Variants in SHF observed in about 807,000 individuals in gnomAD.
SHF encodes the protein SH2 domain-containing adapter protein F.
In SHF, 30 loss-of-function variants were observed where a neutral mutation model predicts 42.4. The observed-to-expected ratio is 0.71, with a 90% CI of 0.53 to 0.96. SHF has a LOEUF of 0.96. SHF is among the 40% of genes least tolerant of loss of function. The probability of loss-of-function intolerance (pLI) is 0.00; values close to 1 mark genes in which losing one functional copy is unlikely to be tolerated. For missense variants in SHF, 598 were observed against 634.0 expected, an observed-to-expected ratio of 0.94 and a Z score of 0.61; for synonymous variants, 264 against 269.9, an observed-to-expected ratio of 0.98 and a Z score of 0.21.
chr15:45,169,490 G>A (rs1236365493), intron 6 of SHF, among the ~76,000 whole-genome samples: 1 of 152,176 alleles, frequency 6.6e-6, no homozygotes, highest in Non-Finnish European at 1.5e-5. Flanking sequence ...AGGCCCTTGG[G>A]GAAAGGAGCC....
chr15:45,181,199 T>TG (rs1898107570), intron 1 of SHF: 1 of 152,368 alleles, frequency 6.6e-6, no homozygotes, highest in Non-Finnish European at 1.5e-5. Flanking sequence ...GGCACCCAGG[T>TG]GGCAACTCTG....
At chr15:45,198,410 G>A (rs2141457474) in intron 2 of SHF, 1 of 201,366 alleles carries the variant, frequency 5.0e-6, no homozygotes, top group East Asian at 1.2e-4. Flanking sequence ...GGTAAGAAAG[G>A]GATTATAACG....
upstream of SHF, chr15:45,188,069 G>T: frequency 2.6e-6 from 1 of 380,382 alleles, no homozygotes; most frequent in Admixed American, 5.3e-5. Flanking sequence ...AGTAACAAGG[G>T]AGAGGCGGGG....
chr15:45,171,606 TAGTA>T (rs1484264708), intron 6 of SHF: 2 of 491,902 alleles, frequency 4.1e-6, no homozygotes, highest in African/African-American at 3.8e-5. Context: ...TCCATTTCAT[TAGTA>T]AGGAAACTGA....
At chr15:45,189,146 T>C (rs1898623405), upstream of SHF, among the ~76,000 whole-genome samples, 1 of 149,548 alleles carries the variant, frequency 6.7e-6, no homozygotes, top group African/African-American at 2.5e-5. Context: ...TGAGCTGAGA[T>C]TGCGCGACTG....
intron 2 of SHF, among the ~76,000 whole-genome samples, chr15:45,197,021 G>A (rs1016538158): frequency 5.9e-5 from 9 of 152,096 alleles, no homozygotes; most frequent in Admixed American, 1.3e-4. Flanking sequence ...AGAAAAATAG[G>A]AGCACACACT....
intron 6 of SHF, chr15:45,170,742 C>T (rs1897440370): frequency 4.2e-6 from 1 of 238,074 alleles, no homozygotes; most frequent in Non-Finnish European, 8.4e-6. Context: ...ACCTCCGCCT[C>T]CTGGGTTCAA....
At chr15:45,173,053 G>A (rs1706819) in intron 4 of SHF, among the ~76,000 whole-genome samples, 134,703 of 152,300 alleles carry the variant, frequency 0.88, 61,422 homozygotes, top group Non-Finnish European at 1. Context: ...ACAAATGTAC[G>A]AACAGATGCT....
At chr15:45,198,585 G>A (rs1016172916) in intron 2 of SHF, 6 of 603,608 alleles carry the variant, frequency 9.9e-6, no homozygotes, top group African/African-American at 5.6e-5. Flanking sequence ...CGAGCCCCTT[G>A]CCGTGCCATT....
At chr15:45,190,405 TG>T (rs1898680844), upstream of SHF, among the ~76,000 whole-genome samples, 1 of 152,212 alleles carries the variant, frequency 6.6e-6, no homozygotes, top group South Asian at 2.1e-4. Context: ...CCAATAGTTG[TG>T]GGCTGTAGCC....
rs554909106 is a variant in SHF, at chr15:45,173,504, C to T, written c.988+72G>A. 4.1e-5 allele frequency: 59 copies of T among 1,432,204 alleles called. No individual in the cohort carries two copies. The East Asian group carries it at 1.3e-3, about 33-fold the overall frequency. The allele number at this position is 1,432,204 out of a possible 1,614,324, so 88.7% of individuals were successfully genotyped here. On this transcript the variant is annotated intron_variant, in intron 4 of 6. Coordinates refer to ENST00000690270, the MANE Select transcript of SHF (RefSeq NM_001394037.1). ...CCAAATCCTGCCCCACCTCTCAGCT[C>T]CTCCAACCCAACCCACAGGGCCTGG...
chr15:45,198,248 T>C (rs529616504), intron 2 of SHF, among the ~76,000 whole-genome samples: 1 of 151,956 alleles, frequency 6.6e-6, no homozygotes, highest in Non-Finnish European at 1.5e-5. Flanking sequence ...CACTCCAGCC[T>C]GGGCGACAGG....
At chr15:45,179,967 C>T (rs1033380752) in intron 1 of SHF, among the ~76,000 whole-genome samples, 3 of 152,086 alleles carry the variant, frequency 2.0e-5, no homozygotes, top group Admixed American at 6.6e-5. Flanking sequence ...TTCCTTCCAC[C>T]TTGCTATTCC....
At chr15:45,183,557 C>T (rs1366613374) in intron 1 of SHF, among the ~76,000 whole-genome samples, 3 of 152,224 alleles carry the variant, frequency 2.0e-5, no homozygotes, top group Non-Finnish European at 4.4e-5. Context: ...CACTTTTGCT[C>T]TCACATAATA....
upstream of SHF, among the ~76,000 whole-genome samples, chr15:45,192,263 T>C (rs549273356): frequency 7.4e-4 from 112 of 151,232 alleles, no homozygotes; most frequent in African/African-American, 2.7e-3. Flanking sequence ...TTTTATTTTG[T>C]TTTTGAAAAA....
In SHF at chr15:45,185,823, C is replaced by T. The variant is rs189769367; in HGVS notation, c.498+1631G>A. ...TGGCTAGGGGAGTCTCCGACCCTCA[C>T]GCCACCCTGATAATGGACAGTCACC... On this transcript the variant is annotated intron_variant, in intron 1 of 6. Coordinates refer to ENST00000690270, the MANE Select transcript of SHF (RefSeq NM_001394037.1). Among the ~76,000 whole-genome samples the T allele has an allele frequency of 2.2e-4, 34 of 152,350 alleles. No homozygotes were observed. The East Asian group carries it at 5.6e-3, about 25-fold the overall frequency.
At chr15:45,179,039 T>C (rs113427632) in intron 1 of SHF, among the ~76,000 whole-genome samples, 3,024 of 152,322 alleles carry the variant, frequency 0.02, 99 homozygotes, top group African/African-American at 0.069. Flanking sequence ...AAGCAAAGAA[T>C]AGTGAGACAA....
Position 45,198,843 on chromosome 15 carries a change from T to A in SHF, c.232A>T (p.Lys78Ter), listed in dbSNP as rs1210485796. 2.5e-6 allele frequency: 4 copies of A among 1,614,016 alleles called. No individual in the cohort carries two copies. Among genetic ancestry groups the A allele is most frequent in the Non-Finnish European group, 3.4e-6 (4 of 1,179,890 alleles). ...GTTGTACTCCGCCAGTTGCTTTTCT[T>A]CTTCTGTTTTGGCCCATTAGCCACG... is the stretch of plus-strand genomic sequence containing the variant. Residue 78 changes from lysine to a stop codon, truncating the protein, a stop_gained, in exon 2 of 8, where the codon AAG becomes TAG. Transcript: ENST00000290894. LOFTEE classifies it high-confidence loss of function.
chr15:45,176,121 G>A (rs960344434), intron 2 of SHF, among the ~76,000 whole-genome samples: 7 of 151,954 alleles, frequency 4.6e-5, no homozygotes, highest in South Asian at 2.1e-4. Context: ...CACCCAGCCC[G>A]CAAGTGATAT....
Sources: gnomAD v4.1 joint callset for allele counts (sites outside exome capture counted in the v4.1 genomes callset) on GRCh38, gnomAD v4.1.1 for gene constraint, MANE v1.5 for transcripts, NCBI Gene and HGNC (gene_info 2026-07-23, HGNC 2026-07-21) for gene names.